PCOLCE: variants seen among roughly 807,000 people sequenced by gnomAD.
The protein encoded by PCOLCE is procollagen C-endopeptidase enhancer, also known as procollagen C-endopeptidase enhancer 1.
A neutral mutation model predicts 47.2 loss-of-function variants in PCOLCE; 33 were observed. The observed-to-expected ratio is 0.70, with a 90% CI of 0.53 to 0.93. The LOEUF is 0.93. PCOLCE is among the 40% of genes least tolerant of loss of function. The pLI is 0.00. For synonymous variants in PCOLCE, 254 were observed against 252.5 expected (o/e 1.01, Z -0.06); for missense variants, 584 against 585.3 (o/e 1.00, Z 0.02).
At position 100,605,063 on chromosome 7, in the gene PCOLCE, C is replaced by A. The variant is rs778658093; in HGVS notation, c.464-28C>A. On this transcript the variant is annotated intron_variant, in intron 3 of 8. Coordinates refer to ENST00000223061, the MANE Select transcript of PCOLCE (RefSeq NM_002593.4). The surrounding 1 kb of genome is among the most constrained non-coding windows in gnomAD (Gnocchi z 6.1). ...CTGACCGAGGGTCTCCACCGCCCCC[C>A]ACCCCCGCTCCTCTCTCCCCTCCCC... 9 of 1,568,332 alleles carry A rather than the reference C, an allele frequency of 5.7e-6. No individual in the cohort carries two copies. The highest frequency in any genetic ancestry group is 4.5e-5 in the East Asian group (2 of 44,490).
Position 100,607,517 on chromosome 7 carries a change from A to G in PCOLCE, c.1006A>G (p.Ser336Gly), listed in dbSNP as rs2131290369. The G allele has an allele frequency of 6.2e-7, 1 of 1,614,096 alleles. No homozygotes were observed. The highest frequency in any genetic ancestry group is 1.7e-4 in the Middle Eastern group (1 of 6,060). The stretch of plus-strand genomic sequence containing the variant: ...CTTGCAGAGCAACTTCTGTGCCAGC[A>G]GCCTTGGTAAGAATACCCCCAACCC... ...GTLQSNFCASSLVVTATVKSM... is the reference protein window; with the variant it reads ...GTLQSNFCASGLVVTATVKSM... The change falls in exon 7 of 9, where the codon AGC (serine) becomes GGC (glycine). Residue 336 changes from serine to glycine, a missense_variant. Ser to Gly is a moderately conservative substitution (Grantham distance 56). Coordinates refer to ENST00000223061, the MANE Select transcript of PCOLCE (RefSeq NM_002593.4).
rs778869920 is a variant in PCOLCE at position 100,604,011 on chromosome 7, T to A, written c.257T>A (p.Leu86Gln). 1.2e-6 allele frequency: 2 copies of A among 1,604,730 alleles called. No individual in the cohort carries two copies. The highest frequency in any genetic ancestry group is 1.7e-6 in the Non-Finnish European group (2 of 1,179,940). ...TCATTCCGAGTCTTCGACCTGGAGC[T>A]GCACCCCGCCTGCCGCTACGATGCT... ...SLSFRVFDLELHPACRYDALE... is the reference protein window; with the variant it reads ...SLSFRVFDLEQHPACRYDALE... The change falls in exon 3 of 9, where the codon CTG becomes CAG. Residue 86 changes from leucine (L) to glutamine (Q), a missense_variant. Transcript: ENST00000223061. This position sits in a 1 kb window ranked among gnomAD's most constrained non-coding sequence, Gnocchi z 6.4.
At chr7:100,603,840 G>A in intron 2 of PCOLCE, 119 bp from the exon 3 acceptor site, 1 of 1,174,994 alleles carries the variant, frequency 8.5e-7, no homozygotes, top group East Asian at 2.4e-5. Context: ...GCACTCACAT[G>A]GAGGCCCCTT....
In PCOLCE at chr7:100,604,327, G is replaced by T; in HGVS notation, c.463+110G>T. 2.0e-6 allele frequency: 2 copies of T among 979,160 alleles called. No homozygotes were observed. The highest frequency in any genetic ancestry group is 4.7e-5 in the Admixed American group (2 of 42,358). The allele number at this position is 979,160 out of a possible 1,614,324, so 60.7% of individuals were successfully genotyped here. ...CCCACCCCGCGCCCCAGTGCCTAGGGCCCCCTACCTCCCTGACCCATTTTC... is the reference window on the plus strand; with the variant it reads ...CCCACCCCGCGCCCCAGTGCCTAGGTCCCCCTACCTCCCTGACCCATTTTC... On this transcript the variant is annotated intron_variant, in intron 3 of 8. Transcript: ENST00000223061. The surrounding 1 kb of genome is among the most constrained non-coding windows in gnomAD (Gnocchi z 6.4).
chr7:100,605,859 C>T lies in PCOLCE; in HGVS notation c.725+47C>T. The T allele has an allele frequency of 6.5e-7, 1 of 1,535,340 alleles. No individual in the cohort carries two copies. The highest frequency in any genetic ancestry group is 2.0e-5 in the Admixed American group (1 of 50,202). ...AGTCCGGGAGAGAGTCGGCGGACCGCACGCACGCGGCTGTTTGGAGGGGCG... is the reference window on the plus strand; with the variant it reads ...AGTCCGGGAGAGAGTCGGCGGACCGTACGCACGCGGCTGTTTGGAGGGGCG... On this transcript the variant is annotated intron_variant, in intron 5 of 8. Coordinates refer to ENST00000223061, the MANE Select transcript of PCOLCE (RefSeq NM_002593.4). The surrounding 1 kb of genome is among the most constrained non-coding windows in gnomAD (Gnocchi z 6.1).
At position 100,605,604 on chromosome 7, in the gene PCOLCE, AC is replaced by A; in HGVS notation, c.589-69del. On this transcript the variant is annotated intron_variant, in intron 4 of 8. Transcript: ENST00000223061. This position sits in a 1 kb window ranked among gnomAD's most constrained non-coding sequence, Gnocchi z 6.1. Reference sequence around the variant, plus strand: ...GGTGGGAGTGGGAGCTGCTGCAGGCACCCAGTAGGAGATGAGGTGCAGGCGC... The same window carrying A: ...GGTGGGAGTGGGAGCTGCTGCAGGCACCAGTAGGAGATGAGGTGCAGGCGC... 6.6e-7 allele frequency: 1 copy of A among 1,511,614 alleles called. No homozygotes were observed. Among genetic ancestry groups the A allele is most frequent in the Non-Finnish European group, 8.9e-7 (1 of 1,123,110 alleles). The allele number at this position is 1,511,614 out of a possible 1,614,324, so 93.6% of individuals were successfully genotyped here.
At chr7:100,606,655 G>A (rs1162029485) in intron 6 of PCOLCE, 25 bp downstream of exon 6, 1 of 1,553,648 alleles carries the variant, frequency 6.4e-7, no homozygotes. Flanking sequence ...GGGGAGGAAG[G>A]GGAAACAGAC....
At chr7:100,606,088 G>C in intron 5 of PCOLCE, 1 of 539,616 alleles carries the variant, frequency 1.9e-6, no homozygotes, top group Non-Finnish European at 3.3e-6. Context: ...TAGCACTTTG[G>C]GAGGCTGAAG....
At chr7:100,606,916 C>T (rs1264028153) in intron 6 of PCOLCE, among the ~76,000 whole-genome samples, 1 of 152,096 alleles carries the variant, frequency 6.6e-6, no homozygotes, top group Non-Finnish European at 1.5e-5. Flanking sequence ...CATGGCAACA[C>T]CACATCTCTA....
chr7:100,605,352 C>A lies in PCOLCE; in HGVS notation c.588+137C>A. On this transcript the variant is annotated intron_variant, in intron 4 of 8. Transcript: ENST00000223061. This position sits in a 1 kb window ranked among gnomAD's most constrained non-coding sequence, Gnocchi z 6.1. The stretch of plus-strand genomic sequence containing the variant: ...TGGTGGGCACCCAAAACAGCCCCAA[C>A]CCCTGCATGCACGCAAACAAAAATG... 2 of 833,252 alleles carry A rather than the reference C, an allele frequency of 2.4e-6. No individual in the cohort carries two copies. Among genetic ancestry groups the A allele is most frequent in the South Asian group, 1.8e-5 (1 of 55,026 alleles). 51.6% of individuals were successfully genotyped at this position (833,252 alleles called of 1,614,324 possible). A position where few individuals can be genotyped will look rare whatever the true frequency, so the allele number is the denominator to read the frequency against.
rs1802738525 is a variant in PCOLCE, at chr7:100,607,534, C to T, written c.1012+11C>T. On this transcript the variant is annotated intron_variant, in intron 7 of 8. Transcript: ENST00000223061. The stretch of plus-strand genomic sequence containing the variant: ...GTGCCAGCAGCCTTGGTAAGAATAC[C>T]CCCAACCCCATTCCAGCTCCTCGAA... The T allele has an allele frequency of 6.2e-7, 1 of 1,613,484 alleles. No individual in the cohort carries two copies. The highest frequency in any genetic ancestry group is 1.3e-5 in the African/African-American group (1 of 74,886).
rs1416861109 is a variant in PCOLCE at position 100,605,679 on chromosome 7, A to T, written c.592A>T (p.Ile198Phe). The change falls in exon 5 of 9, where the codon ATC becomes TTC. Residue 198 changes from isoleucine to phenylalanine, a missense_variant. Transcript: ENST00000223061. This position sits in a 1 kb window ranked among gnomAD's most constrained non-coding sequence, Gnocchi z 6.1. The stretch of plus-strand genomic sequence containing the variant: ...CCCCGCCTCCGCCCGCCGCCAGGTC[A>T]TCGCGCTGACCTTCGAGAAGTTTGA... The part of the protein sequence containing the change: ...WHIIAPPDQV[I>F]ALTFEKFDLE... 1.3e-6 allele frequency: 2 copies of T among 1,580,968 alleles called. No individual in the cohort carries two copies. The highest frequency in any genetic ancestry group is 1.7e-6 in the Non-Finnish European group (2 of 1,163,878).
At chr7:100,606,178 A>C in intron 5 of PCOLCE, 1 of 547,770 alleles carries the variant, frequency 1.8e-6, no homozygotes, top group Non-Finnish European at 3.3e-6. Context: ...AAAATACAAA[A>C]TAATTAGCTG....
Position 100,604,214 on chromosome 7 carries a change from A to C in PCOLCE, c.460A>C (p.Thr154Pro). The change falls in exon 3 of 9, where the codon ACT becomes CCT. Residue 154 changes from threonine to proline, a missense_variant. By Grantham distance (38) the Thr-to-Pro change is conservative. Transcript: ENST00000223061. The surrounding 1 kb of genome is among the most constrained non-coding windows in gnomAD (Gnocchi z 6.4). ...LWYSGRATSGTEHQFCGGRLE... is the reference protein window; with the variant it reads ...LWYSGRATSGPEHQFCGGRLE... ...GTACAGCGGGCGGGCCACCTCGGGC[A>C]CTGGTGAGAACTCCCTCACCTCCGC... The C allele has an allele frequency of 6.2e-7, 1 of 1,609,118 alleles. No individual in the cohort carries two copies. The highest frequency in any genetic ancestry group is 1.1e-5 in the South Asian group (1 of 90,990).
At position 100,607,800 on chromosome 7, in the gene PCOLCE, G is replaced by A; in HGVS notation, c.1176G>A (p.Met392Ile). The change falls in exon 8 of 9, where the codon ATG becomes ATA. Residue 392 changes from methionine to isoleucine, a missense_variant. By Grantham distance (10) the Met-to-Ile change is conservative (BLOSUM62 1). Transcript: ENST00000223061. ...FYVPCKQCPP[M>I]KKGVSYLLMG... Reference sequence around the variant, plus strand: ...TGCCTTGCAAGCAGTGCCCCCCCATGAAGAAAGGTAACAGAGATGTGGGGA... The same window carrying A: ...TGCCTTGCAAGCAGTGCCCCCCCATAAAGAAAGGTAACAGAGATGTGGGGA... 1.9e-6 allele frequency: 3 copies of A among 1,614,124 alleles called. No individual in the cohort carries two copies. Among genetic ancestry groups the A allele is most frequent in the Non-Finnish European group, 2.5e-6 (3 of 1,180,024 alleles).
In PCOLCE at chr7:100,606,581, C is replaced by G. The variant is rs369714634; in HGVS notation, c.891C>G (p.Pro297=). ...KRGTEPKVKL[P]PKSQPPEKTE... ...GAACTGAGCCTAAAGTCAAGCTGCCCCCCAAGTCCCAACCTCCGGAGAAAA... is the reference window on the plus strand; with the variant it reads ...GAACTGAGCCTAAAGTCAAGCTGCCGCCCAAGTCCCAACCTCCGGAGAAAA... Residue 297 remains proline, a synonymous_variant, in exon 6 of 9, where the codon CCC becomes CCG. Transcript: ENST00000223061. 1 of 1,613,894 alleles carries G rather than the reference C, an allele frequency of 6.2e-7. No individual in the cohort carries two copies. The highest frequency in any genetic ancestry group is 2.2e-5 in the East Asian group (1 of 44,878).
At chr7:100,602,689 G>GC in intron 1 of PCOLCE, 138 bp downstream of exon 1, 1 of 647,096 alleles carries the variant, frequency 1.5e-6, no homozygotes, top group Admixed American at 2.4e-5. Context: ...CCCTTCTCTG[G>GC]CCCCCAAATC....
rs1406154545 is a variant in PCOLCE, at chr7:100,604,135, G to A, written c.381G>A (p.Val127=). ...CCCTAGTCGCCCCCGGCAACCAGGTGACCCTGAGGATGACGACGGATGAGG... is the reference window on the plus strand; with the variant it reads ...CCCTAGTCGCCCCCGGCAACCAGGTAACCCTGAGGATGACGACGGATGAGG... The part of the protein sequence containing the change: ...PAPLVAPGNQ[V]TLRMTTDEGT... Residue 127 remains valine (V), a synonymous_variant, in exon 3 of 9, where the codon GTG becomes GTA. Coordinates refer to ENST00000223061, the MANE Select transcript of PCOLCE (RefSeq NM_002593.4). This position sits in a 1 kb window ranked among gnomAD's most constrained non-coding sequence, Gnocchi z 6.4. The A allele has an allele frequency of 4.3e-6, 7 of 1,612,894 alleles. No individual in the cohort carries two copies. In the South Asian group the frequency reaches 5.5e-5, roughly 13 times the overall value.
rs564504859 is a variant in PCOLCE at position 100,605,175 on chromosome 7, G to C, written c.548G>C (p.Gly183Ala). The C allele has an allele frequency of 3.1e-6, 5 of 1,612,976 alleles. No individual in the cohort carries two copies. In the Admixed American group the frequency reaches 8.3e-5, roughly 27 times the overall value. The part of the protein sequence containing the change: ...PNWPESDYPP[G>A]ISCSWHIIAP... The stretch of plus-strand genomic sequence containing the variant: ...TGGCCCGAGTCCGATTACCCCCCGG[G>C]CATCAGCTGTTCCTGGCACATCATC... The change falls in exon 4 of 9, where the codon GGC becomes GCC. Residue 183 changes from glycine (G) to alanine (A), a missense_variant. Transcript: ENST00000223061. The surrounding 1 kb of genome is among the most constrained non-coding windows in gnomAD (Gnocchi z 6.1).
Sources: gnomAD v4.1 joint callset for allele counts (sites outside exome capture counted in the v4.1 genomes callset) on GRCh38, gnomAD v4.1.1 for gene constraint, Gnocchi (gnomAD v3.1) non-coding constraint, MANE v1.5 for transcripts, NCBI Gene and HGNC (gene_info 2026-07-23, HGNC 2026-07-21) for gene names.